Variants in CHCHD3 observed in about 807,000 individuals in gnomAD.
CHCHD3 encodes coiled-coil-helix-coiled-coil-helix domain containing 3, also known as MICOS complex subunit MIC19.
In CHCHD3, 20 loss-of-function variants were observed where a neutral mutation model predicts 38.2. That is an observed-to-expected ratio of 0.52 (90% CI 0.37 to 0.76). CHCHD3 has a LOEUF of 0.76. Ranked by LOEUF, CHCHD3 falls within the 30% of genes least tolerant of loss-of-function variation. CHCHD3 has a pLI of 0.00. For missense variants in CHCHD3, 245 were observed against 279.2 expected (o/e 0.88, Z 0.87); for synonymous variants, 82 against 100.0 (o/e 0.82, Z 1.07).
intron 4 of CHCHD3, among the ~76,000 whole-genome samples, chr7:132,958,027 T>C (rs1246145259): frequency 6.6e-6 from 1 of 152,106 alleles, no homozygotes; most frequent in East Asian, 1.9e-4. Flanking sequence ...AAAGAACACA[T>C]ATGTGGGACC....
At chr7:133,000,506 C>CA (rs973341303) in intron 3 of CHCHD3, among the ~76,000 whole-genome samples, 23 of 148,358 alleles carry the variant, frequency 1.6e-4, no homozygotes, top group South Asian at 6.4e-4. Context: ...TACAAGGACA[C>CA]AAAAAAAAAA....
intron 7 of CHCHD3, among the ~76,000 whole-genome samples, chr7:132,790,737 C>T (rs148216103): frequency 7.0e-4 from 107 of 152,246 alleles, no homozygotes; most frequent in African/African-American, 2.1e-3. Context: ...CTGAAAGTGG[C>T]CACCGTGTAC....
At chr7:132,930,464 T>C (rs28493955) in intron 4 of CHCHD3, among the ~76,000 whole-genome samples, 6,713 of 152,262 alleles carry the variant, frequency 0.044, 321 homozygotes, top group African/African-American at 0.11. Flanking sequence ...CCACTGCACC[T>C]GGCCCCCACT....
intron 3 of CHCHD3, among the ~76,000 whole-genome samples, chr7:132,985,311 G>C (rs1396127742): frequency 1.6e-5 from 1 of 61,990 alleles, no homozygotes; most frequent in Non-Finnish European, 3.2e-5. Context: ...GCCTCTGCCC[G>C]GCCGCCCCTA....
At chr7:132,941,047 T>C (rs1810754523) in intron 4 of CHCHD3, among the ~76,000 whole-genome samples, 1 of 152,148 alleles carries the variant, frequency 6.6e-6, no homozygotes, top group African/African-American at 2.4e-5. Context: ...ATCTTATATG[T>C]GCCTGATTTT....
chr7:132,789,392 C>T (rs1806401614), intron 7 of CHCHD3, among the ~76,000 whole-genome samples: 1 of 152,228 alleles, frequency 6.6e-6, no homozygotes, highest in African/African-American at 2.4e-5. Context: ...GAGAGTGGTT[C>T]AGGCATGAAC....
chr7:132,816,595 C>G (rs1807205717), intron 6 of CHCHD3, among the ~76,000 whole-genome samples: 1 of 152,156 alleles, frequency 6.6e-6, no homozygotes, highest in Non-Finnish European at 1.5e-5. Context: ...CCCCCCAAAT[C>G]CGAGAGCAGG....
chr7:133,035,748 A>T lies in CHCHD3; in HGVS notation c.170-11121T>A. ...TCCATCATCACCCTCAAATGCTGGG[A>T]CCTTGCCGGCAGGAAATTTGCGAAG... On this transcript the variant is annotated intron_variant, in intron 2 of 7. Transcript: ENST00000262570. The surrounding 1 kb of genome is among the most constrained non-coding windows in gnomAD (Gnocchi z 4.7). 6.2e-7 allele frequency: 1 copy of T among 1,613,292 alleles called. No homozygotes were observed. The highest frequency in any genetic ancestry group is 1.1e-5 in the South Asian group (1 of 91,046).
At chr7:132,912,700 G>A (rs1473173077) in intron 4 of CHCHD3, among the ~76,000 whole-genome samples, 2 of 152,056 alleles carry the variant, frequency 1.3e-5, no homozygotes, top group African/African-American at 2.4e-5. Context: ...GACTACAGGC[G>A]TGCGCCACCA....
chr7:132,861,524 G>A (rs1808490852), intron 5 of CHCHD3, among the ~76,000 whole-genome samples: 1 of 152,138 alleles, frequency 6.6e-6, no homozygotes, highest in Non-Finnish European at 1.5e-5. Flanking sequence ...CCATGTCTTG[G>A]AACATAGTTG....
At chr7:132,870,742 C>G (rs569516111) in intron 5 of CHCHD3, among the ~76,000 whole-genome samples, 1 of 152,074 alleles carries the variant, frequency 6.6e-6, no homozygotes, top group Non-Finnish European at 1.5e-5. Flanking sequence ...ATTGCAGGAA[C>G]CTAAACAGAC....
chr7:132,982,639 T>C (rs915389750), intron 3 of CHCHD3, among the ~76,000 whole-genome samples: 10 of 152,354 alleles, frequency 6.6e-5, no homozygotes, highest in Middle Eastern at 3.4e-3. Flanking sequence ...GCATTTATTA[T>C]GCTTACTCGT....
intron 2 of CHCHD3, among the ~76,000 whole-genome samples, chr7:133,066,358 G>A (rs1584683850): frequency 6.6e-6 from 1 of 151,524 alleles, no homozygotes; most frequent in Non-Finnish European, 1.5e-5. Context: ...AGGTTCAATC[G>A]ATTCTCATGC....
chr7:132,933,887 G>A (rs1029784297), intron 4 of CHCHD3, among the ~76,000 whole-genome samples: 4 of 152,166 alleles, frequency 2.6e-5, no homozygotes, highest in Admixed American at 2.0e-4. Context: ...AATAATAATG[G>A]GTGAAGGACT....
intron 4 of CHCHD3, among the ~76,000 whole-genome samples, chr7:132,963,448 G>A (rs1238403160): frequency 2.0e-5 from 3 of 147,786 alleles, no homozygotes; most frequent in African/African-American, 5.0e-5. Flanking sequence ...TGGCTAACAC[G>A]GTGAAACTCC....
intron 5 of CHCHD3, among the ~76,000 whole-genome samples, chr7:132,841,586 G>A (rs1446355584): frequency 2.0e-5 from 3 of 152,020 alleles, no homozygotes; most frequent in Admixed American, 6.6e-5. Context: ...TGATCAGTAC[G>A]ATGTACCTTA....
At chr7:132,999,488 T>C (rs933274420) in intron 3 of CHCHD3, among the ~76,000 whole-genome samples, 1 of 152,234 alleles carries the variant, frequency 6.6e-6, no homozygotes, top group Non-Finnish European at 1.5e-5. Flanking sequence ...ATTTCCATTA[T>C]GGTTATTATA....
intron 6 of CHCHD3, among the ~76,000 whole-genome samples, chr7:132,824,106 TTAAGAG>T (rs1258404940): frequency 7.2e-5 from 11 of 152,202 alleles, no homozygotes; most frequent in African/African-American, 2.7e-4. Context: ...CATTAGTATA[TTAAGAG>T]TGATAGTCAT....
intron 1 of CHCHD3, 149 bp downstream of exon 1, chr7:133,081,708 C>T: frequency 1.3e-6 from 1 of 741,504 alleles, no homozygotes. Flanking sequence ...CGTCTTGAAA[C>T]TCTAGGCTTC....
Sources: allele counts gnomAD v4.1 joint callset (sites outside exome capture counted in the v4.1 genomes callset), GRCh38; gene constraint gnomAD v4.1.1; non-coding constraint Gnocchi (gnomAD v3.1); transcripts MANE v1.5; gene names NCBI Gene and HGNC (gene_info 2026-07-23, HGNC 2026-07-21).